The following LRBA variants were observed in gnomAD, a reference collection of about 807,000 sequenced individuals.
The protein encoded by LRBA is lipopolysaccharide-responsive and beige-like anchor protein.
Under a neutral mutation model 330.0 loss-of-function variants are expected in LRBA, and 176 were observed. That is an observed-to-expected ratio of 0.53 (90% CI 0.47 to 0.60). LRBA has a LOEUF of 0.60. LRBA is among the 20% of genes least tolerant of loss of function. The pLI is 0.00. For synonymous variants in LRBA, 1,230 were observed against 1,193.0 expected (o/e 1.03, Z -0.64); for missense variants, 3,259 against 3,444.8 (o/e 0.95, Z 1.35).
rs373476644 is a variant in LRBA, at chr4:150,928,963, G to T, written c.319C>A (p.Gln107Lys). ...DLLEKCDITC[Q>K]AEVWSMFTAI... The stretch of plus-strand genomic sequence containing the variant: ...GTAAACATGCTCCAGACTTCTGCTT[G>T]GCACGTAATGTCACATTTTTCCAGT... Residue 107 changes from glutamine (Q) to lysine (K), a missense_variant, in exon 3 of 57, where the codon CAA becomes AAA. Transcript: ENST00000651943. 6.9e-5 allele frequency: 112 copies of T among 1,613,470 alleles called. No homozygotes were observed. The highest frequency in any genetic ancestry group is 9.1e-5 in the Non-Finnish European group (107 of 1,179,868).
intron 56 of LRBA, among the ~76,000 whole-genome samples, chr4:150,272,056 T>C (rs567698546): frequency 4.3e-4 from 66 of 152,244 alleles, no homozygotes; most frequent in Admixed American, 3.9e-4. Flanking sequence ...CCCCTGTGTC[T>C]CCTGACTGGG....
intron 17 of LRBA, among the ~76,000 whole-genome samples, chr4:150,892,265 A>T (rs147798500): frequency 3.9e-5 from 6 of 152,190 alleles, no homozygotes; most frequent in African/African-American, 1.4e-4. Context: ...TTTGTTGTTG[A>T]TGACTGTAAT....
chr4:150,489,025 AATATATATT>A (rs1475525206), intron 41 of LRBA, among the ~76,000 whole-genome samples: 7 of 115,022 alleles, frequency 6.1e-5, no homozygotes, highest in African/African-American at 1.4e-4. Context: ...TATATATAAG[AATATATATT>A]ATATATAATA....
chr4:150,521,427 A>T (rs1450634051), intron 40 of LRBA, among the ~76,000 whole-genome samples: 4 of 151,702 alleles, frequency 2.6e-5, no homozygotes, highest in South Asian at 2.1e-4. Context: ...TTTTCTTTTC[A>T]CTTTTATTGT....
At chr4:150,700,405 G>T (rs1169812755) in intron 36 of LRBA, among the ~76,000 whole-genome samples, 1 of 152,070 alleles carries the variant, frequency 6.6e-6, no homozygotes, top group Admixed American at 6.6e-5. Context: ...TGGTAAAAAT[G>T]GGTATAAAAC....
intron 40 of LRBA, among the ~76,000 whole-genome samples, chr4:150,509,873 A>G (rs1761633314): frequency 6.6e-6 from 1 of 152,240 alleles, no homozygotes; most frequent in Admixed American, 6.5e-5. Flanking sequence ...CCTGTGGCTC[A>G]CGCCTGTAAT....
At chr4:150,425,236 A>G (rs2151972171) in intron 46 of LRBA, among the ~76,000 whole-genome samples, 1 of 152,378 alleles carries the variant, frequency 6.6e-6, no homozygotes, top group African/African-American at 2.4e-5. Flanking sequence ...TATATTCATC[A>G]GAACAGAACA....
intron 37 of LRBA, among the ~76,000 whole-genome samples, chr4:150,626,442 A>G (rs769712435): frequency 5.9e-5 from 9 of 152,208 alleles, no homozygotes; most frequent in Non-Finnish European, 1.2e-4. Flanking sequence ...TTATCAATAC[A>G]ACATTAATTC....
chr4:150,743,847 A>G (rs1173501979), intron 35 of LRBA, among the ~76,000 whole-genome samples: 3 of 152,216 alleles, frequency 2.0e-5, no homozygotes, highest in Non-Finnish European at 2.9e-5. Context: ...ACAACAATCA[A>G]TAATCAAAAG....
In LRBA at chr4:150,837,784, C is replaced by A. The variant is rs575002391; in HGVS notation, c.4570-5808G>T. Among the ~76,000 whole-genome samples the A allele has an allele frequency of 4.2e-3, 636 of 152,296 alleles. 3 individuals are homozygous for A. Among genetic ancestry groups the A allele is most frequent in the African/African-American group, 0.014 (578 of 41,544 alleles). On this transcript the variant is annotated intron_variant, in intron 28 of 56. Transcript: ENST00000651943. ...TGTCTTTTAATTGGAGCATTTAGCCCATTTACATTTAAAGTTAATATTGTT... is the reference window on the plus strand; with the variant it reads ...TGTCTTTTAATTGGAGCATTTAGCCAATTTACATTTAAAGTTAATATTGTT...
Position 150,282,497 on chromosome 4 carries a change from C to T in LRBA, c.8269G>A (p.Val2757Met), listed in dbSNP as rs757644967. 3 of 1,614,040 alleles carry T rather than the reference C, an allele frequency of 1.9e-6. No individual in the cohort carries two copies. The African/African-American group carries it at 4.0e-5, about 22-fold the overall frequency. ...YENGLFCTFS[V>M]NGKLQATMET... ...ATCGTGGCCTGGAGTTTTCCATTCA[C>T]ACTGAATGTACAGAAGAGGCCGTTT... The change falls in exon 55 of 57, where the codon GTG (valine) becomes ATG (methionine). Residue 2757 changes from valine to methionine, a missense_variant. Val to Met is a conservative substitution (Grantham distance 21). Transcript: ENST00000651943.
intron 47 of LRBA, among the ~76,000 whole-genome samples, chr4:150,373,475 T>C (rs1031098631): frequency 1.1e-4 from 16 of 152,292 alleles, no homozygotes; most frequent in African/African-American, 3.8e-4. Context: ...TCTCCATACC[T>C]ACTTTGTTAA....
chr4:150,266,848 T>G (rs532136465), intron 56 of LRBA, among the ~76,000 whole-genome samples: 1 of 152,226 alleles, frequency 6.6e-6, no homozygotes, highest in East Asian at 1.9e-4. Context: ...GACAAACATC[T>G]TGAAAGTGAA....
chr4:150,301,260 T>C (rs1032926188), intron 53 of LRBA, among the ~76,000 whole-genome samples: 2 of 152,060 alleles, frequency 1.3e-5, no homozygotes, highest in Non-Finnish European at 2.9e-5. Context: ...TCCCTGAAAT[T>C]TGCATCTTTG....
At chr4:150,303,734 C>T (rs754603668) in intron 52 of LRBA, among the ~76,000 whole-genome samples, 6 of 152,070 alleles carry the variant, frequency 3.9e-5, no homozygotes, top group Non-Finnish European at 7.4e-5. Context: ...CCACCACGCC[C>T]GGCTAATTTT....
chr4:150,809,872 TACG>T (rs1743392648), intron 31 of LRBA, among the ~76,000 whole-genome samples: 2 of 123,938 alleles, frequency 1.6e-5, no homozygotes, highest in South Asian at 2.6e-4. Context: ...TACGATACGA[TACG>T]ATACGATACG....
At chr4:150,777,066 TTTGTTGTTGTTGTTG>T (rs70941442) in intron 34 of LRBA, among the ~76,000 whole-genome samples, 2 of 134,306 alleles carry the variant, frequency 1.5e-5, no homozygotes, top group African/African-American at 3.7e-5. Context: ...TTTGAGGGGT[TTTGTTGTTGTTGTTG>T]TTGTTGTTGT....
rs183454785 is a variant in LRBA, at chr4:150,827,665, T to C, written c.5171+515A>G. On this transcript the variant is annotated intron_variant, in intron 30 of 56. Transcript: ENST00000651943. ...CCCAGGCTGGAGTGCAATGGTGCGA[T>C]CTCAGCTCATTGCAACCACTGCCCC... Among the ~76,000 whole-genome samples the C allele has an allele frequency of 3.6e-3, 540 of 151,702 alleles. 3 individuals carry two copies. The highest frequency in any genetic ancestry group is 0.013 in the African/African-American group (519 of 41,298).
intron 34 of LRBA, among the ~76,000 whole-genome samples, chr4:150,763,203 A>G (rs1290658479): frequency 6.6e-6 from 1 of 152,034 alleles, no homozygotes; most frequent in African/African-American, 2.4e-5. Context: ...AAAGTAACGT[A>G]TTCTCAAGGA....
Sources: gnomAD v4.1 joint callset for allele counts (sites outside exome capture counted in the v4.1 genomes callset) on GRCh38, gnomAD v4.1.1 for gene constraint, MANE v1.5 for transcripts, NCBI Gene and HGNC (gene_info 2026-07-23, HGNC 2026-07-21) for gene names.